MME: variants seen among roughly 807,000 people sequenced by gnomAD.
MME encodes the protein membrane metalloendopeptidase, also known as neprilysin.
A neutral mutation model predicts 113.2 loss-of-function variants in MME; 98 were observed. The ratio of observed to expected loss-of-function variants is 0.87; its 90% CI spans 0.74 to 1.02. The LOEUF (loss-of-function observed/expected upper bound fraction) is 1.02, where lower values mean the gene tolerates loss of function less well. Among genes scored for constraint, MME ranks in the 50% least tolerant of loss-of-function variants. The probability of loss-of-function intolerance (pLI) is 0.00; values close to 1 mark genes in which losing one functional copy is unlikely to be tolerated. For missense variants in MME, 836 were observed against 896.0 expected, an observed-to-expected ratio of 0.93 and a Z score of 0.86; for synonymous variants, 292 against 300.6, an observed-to-expected ratio of 0.97 and a Z score of 0.30.
upstream of MME, among the ~76,000 whole-genome samples, chr3:155,075,148 T>C (rs904779744): frequency 6.6e-6 from 1 of 152,010 alleles, no homozygotes; most frequent in Non-Finnish European, 1.5e-5. Context: ...CTAGATGTAA[T>C]CAAGCTTAGA....
chr3:155,044,119 CTTTTTCTT>C (rs1713456471), intron 1 of MME, among the ~76,000 whole-genome samples: 1 of 130,316 alleles, frequency 7.7e-6, no homozygotes, highest in Admixed American at 8.0e-5. Flanking sequence ...TATTTTCTTC[CTTTTTCTT>C]TTTTTTTTTT....
chr3:155,038,004 A>T (rs978435241), intron 1 of MME, among the ~76,000 whole-genome samples: 3 of 152,178 alleles, frequency 2.0e-5, no homozygotes, highest in Non-Finnish European at 4.4e-5. Flanking sequence ...AATGAAACAG[A>T]TAGTCTAATG....
At chr3:155,128,074 G>A (rs1207431151) in intron 8 of MME, among the ~76,000 whole-genome samples, 2 of 152,170 alleles carry the variant, frequency 1.3e-5, no homozygotes, top group African/African-American at 4.8e-5. Flanking sequence ...TGAGATCTCA[G>A]AATTCTTCTT....
At chr3:155,061,052 G>A (rs1210170654) in intron 1 of MME, among the ~76,000 whole-genome samples, 1 of 152,166 alleles carries the variant, frequency 6.6e-6, no homozygotes, top group Non-Finnish European at 1.5e-5. Context: ...GAGGGCTAAA[G>A]ACAAATTCTA....
chr3:155,133,039 TAAAAAAAAA>T (rs796968290), intron 8 of MME, among the ~76,000 whole-genome samples: 7 of 48,022 alleles, frequency 1.5e-4, no homozygotes, highest in Admixed American at 3.4e-4. Context: ...AAACCCCGTC[TAAAAAAAAA>T]AAAAAAAAAA....
chr3:155,165,913 T>G lies in MME; in HGVS notation c.1661-989T>G, dbSNP rs1723057620. Among the ~76,000 whole-genome samples the G allele has an allele frequency of 2.0e-5, 3 of 152,174 alleles. 1 individual carries two copies. The South Asian group carries it at 6.2e-4, about 31-fold the overall frequency. On this transcript the variant is annotated intron_variant, in intron 17 of 22. Coordinates refer to ENST00000360490, the MANE Select transcript of MME (RefSeq NM_007289.4). Reference sequence around the variant, plus strand: ...TGAGGGCCTAGAGGGGAAAATGAATTTGATGTTTGATGCATTAAATATAAC... The same window carrying G: ...TGAGGGCCTAGAGGGGAAAATGAATGTGATGTTTGATGCATTAAATATAAC...
At chr3:155,093,516 T>C (rs963651850) in intron 3 of MME, among the ~76,000 whole-genome samples, 4 of 152,122 alleles carry the variant, frequency 2.6e-5, no homozygotes, top group African/African-American at 4.8e-5. Flanking sequence ...TGTTGGTTTT[T>C]CACACAGGTG....
At chr3:155,118,375 C>A (rs1446366259) in intron 7 of MME, among the ~76,000 whole-genome samples, 2 of 152,228 alleles carry the variant, frequency 1.3e-5, no homozygotes, top group Non-Finnish European at 2.9e-5. Flanking sequence ...ACATTAGAAT[C>A]TCAGGAAGCT....
At chr3:155,136,623 A>AT (rs1720655844) in intron 8 of MME, among the ~76,000 whole-genome samples, 1 of 152,172 alleles carries the variant, frequency 6.6e-6, no homozygotes, top group Non-Finnish European at 1.5e-5. Flanking sequence ...ACAAATTGAT[A>AT]ATAATTTTGT....
chr3:155,044,003 T>C (rs1016013832), intron 1 of MME, among the ~76,000 whole-genome samples: 1 of 152,154 alleles, frequency 6.6e-6, no homozygotes, highest in African/African-American at 2.4e-5. Context: ...TAAGCCAGCT[T>C]CCATTTTATC....
chr3:155,048,501 C>T (rs762296654), intron 1 of MME, among the ~76,000 whole-genome samples: 1 of 152,008 alleles, frequency 6.6e-6, no homozygotes, highest in African/African-American at 2.4e-5. Flanking sequence ...TTTAATGATA[C>T]CTTTTGTACT....
chr3:155,126,025 G>A (rs1288514013), intron 8 of MME, among the ~76,000 whole-genome samples: 1 of 152,168 alleles, frequency 6.6e-6, no homozygotes, highest in Non-Finnish European at 1.5e-5. Flanking sequence ...AACATGGAAT[G>A]AATTCACTGT....
Position 155,163,935 on chromosome 3 carries a change from G to A in MME, c.1661-2967G>A, listed in dbSNP as rs150735394. Among the ~76,000 whole-genome samples the A allele has an allele frequency of 3.8e-3, 581 of 151,944 alleles. 2 individuals carry two copies. Among genetic ancestry groups the A allele is most frequent in the African/African-American group, 0.013 (551 of 41,450 alleles). On this transcript the variant is annotated intron_variant, in intron 17 of 22. Transcript: ENST00000360490. ...AGGTAGGCTGATTACTTGAGCTCAG[G>A]AGTTGATACCAGCCTGGGCAACACT...
At chr3:155,026,700 G>A (rs1307074798) in intron 1 of MME, among the ~76,000 whole-genome samples, 2 of 152,150 alleles carry the variant, frequency 1.3e-5, no homozygotes, top group East Asian at 3.9e-4. Context: ...CTCCAGACTG[G>A]GTGACAGTGA....
intron 1 of MME, among the ~76,000 whole-genome samples, chr3:155,026,155 A>T (rs1193976089): frequency 6.6e-6 from 1 of 151,438 alleles, no homozygotes; most frequent in Non-Finnish European, 1.5e-5. Context: ...ACTGAAGCAA[A>T]CAGGATTGAA....
chr3:155,027,011 A>G (rs897765065), intron 1 of MME, among the ~76,000 whole-genome samples: 4 of 152,192 alleles, frequency 2.6e-5, no homozygotes, highest in African/African-American at 9.6e-5. Context: ...CAATAGATCT[A>G]TTTAGCCTGG....
At chr3:155,117,178 G>A (rs1047280548) in intron 7 of MME, among the ~76,000 whole-genome samples, 192 bp downstream of exon 7, 10 of 151,984 alleles carry the variant, frequency 6.6e-5, no homozygotes, top group African/African-American at 2.2e-4. Flanking sequence ...TGCTGTTTTC[G>A]ACATTCACCC....
At chr3:155,163,012 C>CAAAAAAAAAA (rs57700088) in intron 17 of MME, among the ~76,000 whole-genome samples, 12 of 78,136 alleles carry the variant, frequency 1.5e-4, no homozygotes, top group South Asian at 4.2e-4. Flanking sequence ...AACTCTGTCT[C>CAAAAAAAAAA]AAAAAAAAAA....
chr3:155,139,770 T>C (rs113629006), intron 9 of MME, among the ~76,000 whole-genome samples: 4 of 152,304 alleles, frequency 2.6e-5, no homozygotes, highest in African/African-American at 9.6e-5. Flanking sequence ...CCTTGCTGAA[T>C]TTTAACTAGG....
Sources: gnomAD v4.1 joint callset for allele counts (sites outside exome capture counted in the v4.1 genomes callset) on GRCh38, gnomAD v4.1.1 for gene constraint, MANE v1.5 for transcripts, NCBI Gene and HGNC (gene_info 2026-07-23, HGNC 2026-07-21) for gene names.